Variants in LRRC4C observed in about 807,000 individuals in gnomAD.
The protein encoded by LRRC4C is leucine rich repeat containing 4C, also known as leucine-rich repeat-containing protein 4C.
A neutral mutation model predicts 33.6 loss-of-function variants in LRRC4C; 5 were observed. The ratio of observed to expected loss-of-function variants is 0.15; its 90% confidence interval spans 0.08 to 0.31. The LOEUF (loss-of-function observed/expected upper bound fraction) is 0.31. LRRC4C is among the 10% of genes least tolerant of loss of function. The pLI, the probability that LRRC4C is intolerant of heterozygous loss-of-function variation, is 1.00. For synonymous variants in LRRC4C, 329 were observed against 302.0 expected, an observed-to-expected ratio of 1.09 and a Z score of -0.93; for missense variants, 560 against 796.7, an observed-to-expected ratio of 0.70 and a Z score of 3.58.
intron 2 of LRRC4C, among the ~76,000 whole-genome samples, chr11:40,697,608 A>C (rs1179044272): frequency 6.6e-6 from 1 of 152,200 alleles, no homozygotes; most frequent in Admixed American, 6.5e-5. Flanking sequence ...CCTATGGATC[A>C]TACCTGCATA....
At chr11:40,228,680 A>G (rs1029458147) in intron 5 of LRRC4C, among the ~76,000 whole-genome samples, 2 of 152,232 alleles carry the variant, frequency 1.3e-5, no homozygotes, top group African/African-American at 4.8e-5. Context: ...CTCACAAATC[A>G]TCTTTTCAAA....
chr11:40,737,910 C>T (rs1422808042), intron 2 of LRRC4C, among the ~76,000 whole-genome samples: 2 of 152,094 alleles, frequency 1.3e-5, no homozygotes, highest in Admixed American at 6.6e-5. Flanking sequence ...CCCATACAAG[C>T]AAGACAATCC....
intron 2 of LRRC4C, among the ~76,000 whole-genome samples, chr11:40,760,800 T>TACACAC (rs796080368): frequency 1.9e-5 from 1 of 52,856 alleles, no homozygotes; most frequent in Non-Finnish European, 3.8e-5. Flanking sequence ...TATATATATA[T>TACACAC]ACACACACAC....
intron 1 of LRRC4C, among the ~76,000 whole-genome samples, chr11:41,402,601 A>G (rs1328675932): frequency 2.0e-5 from 3 of 152,082 alleles, no homozygotes; most frequent in Non-Finnish European, 4.4e-5. Flanking sequence ...ATTTGCGTCT[A>G]AAGAGTTAAC....
chr11:40,459,447 C>G (rs1952289571), intron 3 of LRRC4C, among the ~76,000 whole-genome samples: 1 of 152,118 alleles, frequency 6.6e-6, no homozygotes, highest in African/African-American at 2.4e-5. Flanking sequence ...CAAAAGGAAG[C>G]ATTATAACTT....
At chr11:41,058,925 G>T (rs536245285) in intron 1 of LRRC4C, among the ~76,000 whole-genome samples, 1 of 152,106 alleles carries the variant, frequency 6.6e-6, no homozygotes, top group Non-Finnish European at 1.5e-5. Context: ...GAAGCTGAAG[G>T]CCATTATTCT....
intron 3 of LRRC4C, among the ~76,000 whole-genome samples, chr11:40,380,092 G>T (rs979335601): frequency 6.6e-6 from 1 of 152,128 alleles, no homozygotes; most frequent in Admixed American, 6.5e-5. Flanking sequence ...CCATGTACAA[G>T]ATACAAGATT....
At chr11:40,359,116 G>A (rs1228959274) in intron 3 of LRRC4C, among the ~76,000 whole-genome samples, 1 of 152,140 alleles carries the variant, frequency 6.6e-6, no homozygotes, top group Admixed American at 6.6e-5. Flanking sequence ...AATGTGTCGG[G>A]TATGTTTAAG....
At chr11:41,355,682 A>G (rs1425397250) in intron 1 of LRRC4C, among the ~76,000 whole-genome samples, 1 of 152,104 alleles carries the variant, frequency 6.6e-6, no homozygotes, top group Non-Finnish European at 1.5e-5. Flanking sequence ...TAAATATCAC[A>G]TACGGTATTT....
intron 2 of LRRC4C, among the ~76,000 whole-genome samples, chr11:40,780,585 G>A (rs997935223): frequency 6.6e-6 from 1 of 152,074 alleles, no homozygotes; most frequent in Non-Finnish European, 1.5e-5. Flanking sequence ...TGACATAGAG[G>A]AGGGTGTTTG....
chr11:40,597,546 C>T (rs972276862), intron 3 of LRRC4C, among the ~76,000 whole-genome samples: 3 of 152,120 alleles, frequency 2.0e-5, no homozygotes, highest in African/African-American at 4.8e-5. Context: ...AAAATAGTCA[C>T]ATGTGTATGC....
In LRRC4C at chr11:40,133,854, G is replaced by T. The variant is rs373813321; in HGVS notation, c.-43+6947C>A. Among the ~76,000 whole-genome samples, 81 of 152,180 alleles carry T rather than the reference G, an allele frequency of 5.3e-4. 2 individuals are homozygous for T. The South Asian group carries it at 0.016, about 30-fold the overall frequency. ...CATTTTAAGAGAGAAAAAAAAACAGGCACTTTCCTTCAATAATATTTTTTG... is the reference window on the plus strand; with the variant it reads ...CATTTTAAGAGAGAAAAAAAAACAGTCACTTTCCTTCAATAATATTTTTTG... On this transcript the variant is annotated intron_variant, in intron 6 of 6. Transcript: ENST00000528697.
intron 3 of LRRC4C, among the ~76,000 whole-genome samples, chr11:40,505,466 G>A (rs1000509772): frequency 6.6e-6 from 1 of 152,108 alleles, no homozygotes; most frequent in Non-Finnish European, 1.5e-5. Flanking sequence ...GAAACCTCTT[G>A]CTGGGTTATG....
intron 3 of LRRC4C, among the ~76,000 whole-genome samples, chr11:40,422,462 A>G (rs1950554289): frequency 6.6e-6 from 1 of 152,228 alleles, no homozygotes; most frequent in African/African-American, 2.4e-5. Flanking sequence ...ATTAAACTCC[A>G]AAAACCACTT....
intron 2 of LRRC4C, among the ~76,000 whole-genome samples, chr11:40,790,780 T>C (rs1043764866): frequency 2.0e-5 from 3 of 152,226 alleles, no homozygotes; most frequent in African/African-American, 7.2e-5. Context: ...TTGTGATCTG[T>C]TAATTATAAA....
At chr11:41,226,745 C>CACACACAG (rs904631825) in intron 1 of LRRC4C, among the ~76,000 whole-genome samples, 3 of 147,502 alleles carry the variant, frequency 2.0e-5, no homozygotes, top group African/African-American at 7.6e-5. Context: ...TACCATTACA[C>CACACACAG]ACACACACAC....
At chr11:40,886,477 C>G (rs1349064835) in intron 2 of LRRC4C, among the ~76,000 whole-genome samples, 2 of 150,472 alleles carry the variant, frequency 1.3e-5, no homozygotes, top group Non-Finnish European at 3.0e-5. Context: ...ATTTTAATAA[C>G]CCAATAGAAA....
At chr11:40,718,264 G>C (rs951925709) in intron 2 of LRRC4C, among the ~76,000 whole-genome samples, 2 of 152,142 alleles carry the variant, frequency 1.3e-5, no homozygotes, top group Non-Finnish European at 2.9e-5. Context: ...AGGGGTGTCG[G>C]TGCTACAGGC....
intron 1 of LRRC4C, among the ~76,000 whole-genome samples, chr11:41,261,938 A>G (rs1415622106): frequency 2.2e-4 from 33 of 152,054 alleles, no homozygotes; most frequent in Admixed American, 2.2e-3. Flanking sequence ...TCCAGGATGG[A>G]ACTAGGGACA....
Sources: allele counts gnomAD v4.1 joint callset (sites outside exome capture counted in the v4.1 genomes callset), GRCh38; gene constraint gnomAD v4.1.1; transcripts MANE v1.5; gene names NCBI Gene and HGNC (gene_info 2026-07-23, HGNC 2026-07-21).